The following DPP6 variants were observed in gnomAD, a reference collection of about 807,000 sequenced individuals.
DPP6 encodes the protein A-type potassium channel modulatory protein DPP6.
A neutral mutation model predicts 122.6 loss-of-function variants in DPP6; 69 were observed. That is an observed-to-expected ratio of 0.56 (90% confidence interval 0.46 to 0.69). The LOEUF (loss-of-function observed/expected upper bound fraction) is 0.69, where lower values mean the gene tolerates loss of function less well. Ranked by LOEUF, DPP6 falls within the 30% of genes least tolerant of loss-of-function variation. The probability of loss-of-function intolerance (pLI) is 0.00; values close to 1 mark genes in which losing one functional copy is unlikely to be tolerated. For missense variants in DPP6, 928 were observed against 1,116.9 expected (o/e 0.83, Z 2.41); for synonymous variants, 418 against 433.1 (o/e 0.97, Z 0.43).
the DPP6 span, among the ~76,000 whole-genome samples, chr7:153,771,521 G>T: frequency 6.6e-6 from 1 of 152,124 alleles, no homozygotes; most frequent in East Asian, 1.9e-4. Context: ...TGTATTTTTA[G>T]TAGAGACAAG....
chr7:154,883,204 TAC>T lies in DPP6; in HGVS notation c.2133+2270_2133+2271del, dbSNP rs368219309. The stretch of plus-strand genomic sequence containing the variant: ...AAATGCTCACATACACGCTCACACA[TAC>T]ACACACATGCTCACCCACACAATGC... On this transcript the variant is annotated intron_variant, in intron 21 of 25. Coordinates refer to ENST00000377770, the MANE Select transcript of DPP6 (RefSeq NM_130797.4). 7.8e-3 allele frequency among the ~76,000 whole-genome samples: 955 copies of T among 122,980 alleles called. 10 individuals are homozygous for T. Among genetic ancestry groups the T allele is most frequent in the African/African-American group, 0.029 (904 of 31,476 alleles). 80.7% of individuals were successfully genotyped at this position (122,980 alleles called of 152,430 possible). A position where few individuals can be genotyped will look rare whatever the true frequency, so the allele number is the denominator to read the frequency against.
chr7:154,517,698 T>C (rs1009249089), intron 3 of DPP6, among the ~76,000 whole-genome samples: 2 of 152,066 alleles, frequency 1.3e-5, no homozygotes, highest in African/African-American at 4.8e-5. Context: ...GAAAGAAATA[T>C]GTTGCCTTTT....
chr7:154,051,011 CAG>C (rs968981995), upstream of DPP6, among the ~76,000 whole-genome samples: 1 of 139,834 alleles, frequency 7.2e-6, no homozygotes, highest in African/African-American at 2.7e-5. Context: ...GTTAGGGAAA[CAG>C]AGGGAGCATG....
the DPP6 span, among the ~76,000 whole-genome samples, chr7:153,761,300 A>T: frequency 7.0e-6 from 1 of 143,726 alleles, no homozygotes. Flanking sequence ...AGAAATCATG[A>T]CTTTAAAATA....
At chr7:154,326,247 C>CT (rs1327523764) in intron 1 of DPP6, among the ~76,000 whole-genome samples, 3 of 152,120 alleles carry the variant, frequency 2.0e-5, no homozygotes, top group Admixed American at 1.3e-4. Context: ...AGGTCTGTGG[C>CT]ATACAAGCCT....
At chr7:154,122,832 C>T (rs1807586274) in intron 1 of DPP6, among the ~76,000 whole-genome samples, 1 of 152,280 alleles carries the variant, frequency 6.6e-6, no homozygotes, top group African/African-American at 2.4e-5. Flanking sequence ...CATCCTCCTC[C>T]CTCTGATCAT....
At chr7:153,858,340 G>A in the DPP6 span, among the ~76,000 whole-genome samples, 1 of 152,138 alleles carries the variant, frequency 6.6e-6, no homozygotes, top group African/African-American at 2.4e-5. Context: ...GGTTCTGCTG[G>A]GGCAGGGTGA....
intron 1 of DPP6, chr7:154,096,005 TTC>T (rs1280482566): frequency 8.4e-5 from 10 of 118,666 alleles, no homozygotes; most frequent in Admixed American, 8.1e-4. Flanking sequence ...GGATTTCTGC[TTC>T]TCTCCCAGGA....
At chr7:153,996,788 A>G (rs1157931057) in intron 1 of DPP6, among the ~76,000 whole-genome samples, 3 of 152,196 alleles carry the variant, frequency 2.0e-5, no homozygotes, top group African/African-American at 2.4e-5. Context: ...TGTCAAGAAC[A>G]ATTAATAAGA....
intron 1 of DPP6, among the ~76,000 whole-genome samples, chr7:154,371,366 G>T (rs1437757821): frequency 1.5e-4 from 10 of 68,308 alleles, no homozygotes; most frequent in Admixed American, 5.2e-4. Flanking sequence ...GAGACAGAGT[G>T]AAACTCTGTC....
chr7:154,231,698 A>C (rs10229522), intron 1 of DPP6, among the ~76,000 whole-genome samples: 108,078 of 151,946 alleles, frequency 0.71, 39,259 homozygotes, highest in Middle Eastern at 0.79. Flanking sequence ...AGTGAAGACT[A>C]CCTGTTGTCT....
chr7:154,060,332 G>C (rs878989846), intron 1 of DPP6, among the ~76,000 whole-genome samples: 4 of 122,306 alleles, frequency 3.3e-5, no homozygotes, highest in South Asian at 2.6e-4. Context: ...TCGCAGGAGG[G>C]GGAGGCACCC....
intron 1 of DPP6, among the ~76,000 whole-genome samples, chr7:153,950,060 C>T (rs749438869): frequency 1.4e-4 from 21 of 151,898 alleles, no homozygotes; most frequent in East Asian, 5.8e-4. Context: ...GGGAGACAGA[C>T]AGGGCAAGAG....
chr7:153,868,235 C>A, the DPP6 span, among the ~76,000 whole-genome samples: 1 of 152,064 alleles, frequency 6.6e-6, no homozygotes, highest in Non-Finnish European at 1.5e-5. Flanking sequence ...GGTACCAGCT[C>A]CTCCTTGTAC....
At chr7:153,790,914 A>G in the DPP6 span, among the ~76,000 whole-genome samples, 1 of 152,332 alleles carries the variant, frequency 6.6e-6, no homozygotes. Context: ...CTGGTGAACA[A>G]ATCCTTGAGT....
intron 8 of DPP6, among the ~76,000 whole-genome samples, chr7:154,763,683 G>C (rs1424306238): frequency 6.6e-6 from 1 of 152,218 alleles, no homozygotes; most frequent in Non-Finnish European, 1.5e-5. Context: ...AGGAGCGCAT[G>C]TGAGAAGAAC....
rs1276894790 is a variant in DPP6 at position 154,486,623 on chromosome 7, C to G, written c.457+11586C>G. 1.3e-5 allele frequency among the ~76,000 whole-genome samples: 2 copies of G among 152,198 alleles called. No homozygotes were observed. Among genetic ancestry groups the G allele is most frequent in the African/African-American group, 2.4e-5 (1 of 41,432 alleles). ...TCCAAATTAGAATTAGTTGTGTACT[C>G]CACGATACCGCAGTAGAACTTTACA... On this transcript the variant is annotated intron_variant, in intron 3 of 25. Coordinates refer to ENST00000377770, the MANE Select transcript of DPP6 (RefSeq NM_130797.4). This position sits in a 1 kb window ranked among gnomAD's most constrained non-coding sequence, Gnocchi z 4.5.
chr7:154,662,910 G>A lies in DPP6; in HGVS notation c.681-6450G>A, dbSNP rs112051204. On this transcript the variant is annotated intron_variant, in intron 6 of 25. Coordinates refer to ENST00000377770, the MANE Select transcript of DPP6 (RefSeq NM_130797.4). ...GGTGAATCACCATGGCATATTCGCC[G>A]TAGTGTTCATATAGTCATGGTGAAT... Among the ~76,000 whole-genome samples the A allele has an allele frequency of 1.5e-4, 9 of 58,620 alleles. 2 individuals are homozygous for A. Among genetic ancestry groups the A allele is most frequent in the African/African-American group, 3.4e-4 (8 of 23,238 alleles). The allele number at this position is 58,620 out of a possible 152,430, so 38.5% of individuals were successfully genotyped here. A position where few individuals can be genotyped will look rare whatever the true frequency, so the allele number is the denominator to read the frequency against.
intron 1 of DPP6, among the ~76,000 whole-genome samples, chr7:154,104,347 C>A (rs1805983610): frequency 6.6e-6 from 1 of 152,198 alleles, no homozygotes; most frequent in Admixed American, 6.5e-5. Context: ...TTATGAAGAT[C>A]CTTTGTCAGT....
Sources: gnomAD v4.1 joint callset for allele counts (sites outside exome capture counted in the v4.1 genomes callset) on GRCh38, gnomAD v4.1.1 for gene constraint, Gnocchi (gnomAD v3.1) non-coding constraint, MANE v1.5 for transcripts, NCBI Gene and HGNC (gene_info 2026-07-23, HGNC 2026-07-21) for gene names.